Variants in PPP2R2B observed in about 807,000 individuals in gnomAD.
The protein encoded by PPP2R2B is serine/threonine-protein phosphatase 2A 55 kDa regulatory subunit B beta isoform.
Under a neutral mutation model 46.0 loss-of-function variants are expected in PPP2R2B, and 5 were observed. The ratio of observed to expected loss-of-function variants is 0.11; its 90% CI spans 0.06 to 0.23. The LOEUF (loss-of-function observed/expected upper bound fraction) is 0.23. PPP2R2B is among the 10% of genes least tolerant of loss of function. PPP2R2B has a pLI of 1.00. For synonymous variants in PPP2R2B, 215 were observed against 206.7 expected (o/e 1.04, Z -0.34); for missense variants, 367 against 575.0 (o/e 0.64, Z 3.70).
intron 1 of PPP2R2B, among the ~76,000 whole-genome samples, chr5:146,905,235 C>T (rs1374398769): frequency 3.3e-5 from 5 of 151,918 alleles, no homozygotes; most frequent in Admixed American, 3.3e-4. Context: ...TTGTTATTCC[C>T]CTATAAAATT....
intron 2 of PPP2R2B, among the ~76,000 whole-genome samples, chr5:146,745,160 CAGAGAGAGAGAGAGAG>C (rs747573157): frequency 2.7e-4 from 26 of 95,040 alleles, no homozygotes; most frequent in African/African-American, 7.9e-4. Flanking sequence ...CAGAGAAAGA[CAGAGAGAGAGAGAGAG>C]AGAGAGAGAG....
chr5:146,858,080 G>A (rs549761079), intron 2 of PPP2R2B, among the ~76,000 whole-genome samples: 8 of 152,260 alleles, frequency 5.3e-5, no homozygotes, highest in South Asian at 2.1e-4. Flanking sequence ...TACAGGCACC[G>A]TCACTTTTAA....
chr5:146,675,224 T>C (rs931895476), intron 5 of PPP2R2B, among the ~76,000 whole-genome samples: 2 of 152,152 alleles, frequency 1.3e-5, no homozygotes, highest in Admixed American at 6.5e-5. Context: ...CCTCCTAAAG[T>C]GCTGTGATTA....
At chr5:146,806,500 C>T (rs191773604) in intron 2 of PPP2R2B, among the ~76,000 whole-genome samples, 393 of 152,330 alleles carry the variant, frequency 2.6e-3, no homozygotes, top group African/African-American at 9.1e-3. Context: ...AGGTACCTGA[C>T]TCTTTCCATT....
chr5:146,780,020 T>A (rs1386663893), intron 2 of PPP2R2B, among the ~76,000 whole-genome samples: 1 of 152,196 alleles, frequency 6.6e-6, no homozygotes, highest in Non-Finnish European at 1.5e-5. Flanking sequence ...TCAAACTAAG[T>A]GTTTTTAGAA....
At chr5:147,010,682 G>C (rs1411196152) in intron 1 of PPP2R2B, among the ~76,000 whole-genome samples, 1 of 152,124 alleles carries the variant, frequency 6.6e-6, no homozygotes, top group African/African-American at 2.4e-5. Flanking sequence ...CACTTTGCTT[G>C]CCCGCCGCTC....
At chr5:146,779,162 A>G (rs1227334366) in intron 2 of PPP2R2B, among the ~76,000 whole-genome samples, 1 of 152,198 alleles carries the variant, frequency 6.6e-6, no homozygotes, top group Non-Finnish European at 1.5e-5. Flanking sequence ...CCTTAAGCCA[A>G]AGACTCAAAA....
At chr5:146,733,166 G>C (rs1343733677) in intron 2 of PPP2R2B, among the ~76,000 whole-genome samples, 1 of 152,054 alleles carries the variant, frequency 6.6e-6, no homozygotes, top group African/African-American at 2.4e-5. Context: ...CCCGCAATCT[G>C]GTTACTCATA....
intron 1 of PPP2R2B, among the ~76,000 whole-genome samples, chr5:147,011,091 T>C (rs1240869282): frequency 1.3e-5 from 2 of 152,156 alleles, no homozygotes; most frequent in African/African-American, 4.8e-5. Flanking sequence ...CTACTGCCCC[T>C]TCTTCAGCCC....
chr5:147,008,366 AATTT>A (rs1242191945), intron 1 of PPP2R2B, among the ~76,000 whole-genome samples: 1 of 152,150 alleles, frequency 6.6e-6, no homozygotes, highest in East Asian at 1.9e-4. Context: ...AATAAATGTT[AATTT>A]ATTCATAAAA....
intron 1 of PPP2R2B, among the ~76,000 whole-genome samples, chr5:147,011,163 A>G (rs1171049620): frequency 6.6e-6 from 1 of 151,894 alleles, no homozygotes; most frequent in Non-Finnish European, 1.5e-5. Context: ...ATGGCCTTTG[A>G]TTTTGTTCTT....
At chr5:146,882,222 C>T (rs1009944456), upstream of PPP2R2B, among the ~76,000 whole-genome samples, 1 of 150,382 alleles carries the variant, frequency 6.6e-6, no homozygotes, top group South Asian at 2.1e-4. Context: ...GGTTGCATCG[C>T]ACCACTGCAC....
intron 2 of PPP2R2B, among the ~76,000 whole-genome samples, chr5:146,789,124 G>A (rs954381797): frequency 1.3e-5 from 2 of 152,168 alleles, no homozygotes; most frequent in African/African-American, 2.4e-5. Flanking sequence ...ATCACTGTGA[G>A]GCTTTTGTTT....
intron 1 of PPP2R2B, among the ~76,000 whole-genome samples, chr5:147,015,875 A>G (rs1422042634): frequency 1.3e-5 from 2 of 151,474 alleles, no homozygotes; most frequent in Admixed American, 1.3e-4. Flanking sequence ...AATAAATGAT[A>G]TCTATTTTCA....
intron 1 of PPP2R2B, among the ~76,000 whole-genome samples, chr5:146,978,882 C>G (rs1057302164): frequency 6.6e-6 from 1 of 152,032 alleles, no homozygotes; most frequent in African/African-American, 2.4e-5. Flanking sequence ...GTAATAGCCT[C>G]TTAAGTGATA....
intron 1 of PPP2R2B, among the ~76,000 whole-genome samples, chr5:146,906,201 T>C (rs1205017127): frequency 6.6e-6 from 1 of 152,094 alleles, no homozygotes; most frequent in Non-Finnish European, 1.5e-5. Flanking sequence ...AGCTCCTTAA[T>C]ATATTCTTAT....
At chr5:146,991,914 AAATATT>A (rs1475655368) in intron 1 of PPP2R2B, among the ~76,000 whole-genome samples, 15 of 152,166 alleles carry the variant, frequency 9.9e-5, no homozygotes, top group African/African-American at 3.6e-4. Context: ...CATGGATTGG[AAATATT>A]AATATTATTA....
chr5:146,699,496 G>A (rs1779410214), intron 3 of PPP2R2B, among the ~76,000 whole-genome samples: 3 of 152,184 alleles, frequency 2.0e-5, no homozygotes, highest in South Asian at 4.2e-4. Flanking sequence ...ATCATTCTAC[G>A]AATGAATCAG....
chr5:146,621,810 A>G (rs1277037661), intron 7 of PPP2R2B, among the ~76,000 whole-genome samples: 1 of 152,196 alleles, frequency 6.6e-6, no homozygotes, highest in Non-Finnish European at 1.5e-5. Flanking sequence ...GTAGACAATA[A>G]AGGCTTTATC....
Sources: allele counts gnomAD v4.1 joint callset (sites outside exome capture counted in the v4.1 genomes callset), GRCh38; gene constraint gnomAD v4.1.1; transcripts MANE v1.5; gene names NCBI Gene and HGNC (gene_info 2026-07-23, HGNC 2026-07-21).